The following MAD1L1 variants were observed in gnomAD, a reference collection of about 807,000 sequenced individuals.
MAD1L1 encodes mitotic spindle assembly checkpoint protein MAD1.
A neutral mutation model predicts 96.9 loss-of-function variants in MAD1L1; 95 were observed. That is an observed-to-expected ratio of 0.98 (90% confidence interval 0.83 to 1.16). The LOEUF (loss-of-function observed/expected upper bound fraction) is 1.16. MAD1L1 is among the 50% of genes most tolerant of loss of function. MAD1L1 has a pLI of 0.00. For missense variants in MAD1L1, 1,007 were observed against 954.4 expected (o/e 1.06, Z -0.73); for synonymous variants, 473 against 396.6 (o/e 1.19, Z -2.29).
chr7:1,951,358 C>T (rs1286590761), intron 16 of MAD1L1, among the ~76,000 whole-genome samples: 1 of 152,206 alleles, frequency 6.6e-6, no homozygotes, highest in Non-Finnish European at 1.5e-5. Context: ...GTAGTCACCT[C>T]AAGCGCCCTG....
intron 13 of MAD1L1, among the ~76,000 whole-genome samples, chr7:2,012,262 A>T (rs1782337785): frequency 6.6e-6 from 1 of 152,334 alleles, no homozygotes; most frequent in Non-Finnish European, 1.5e-5. Flanking sequence ...ACCAGAACCC[A>T]GGACTCTGGA....
intron 10 of MAD1L1, among the ~76,000 whole-genome samples, chr7:2,160,278 G>A (rs1002426651): frequency 1.3e-4 from 20 of 150,490 alleles, no homozygotes; most frequent in African/African-American, 4.6e-4. Context: ...AAATAACAAT[G>A]GCCTCCTGCT....
chr7:1,896,476 G>A (rs1191078118), intron 18 of MAD1L1, among the ~76,000 whole-genome samples: 1 of 152,222 alleles, frequency 6.6e-6, no homozygotes, highest in Non-Finnish European at 1.5e-5. Flanking sequence ...GGCTTACAGT[G>A]GTCAAGATGC....
intron 10 of MAD1L1, among the ~76,000 whole-genome samples, chr7:2,170,939 AAC>A (rs1305121495): frequency 6.6e-6 from 1 of 152,170 alleles, no homozygotes; most frequent in Non-Finnish European, 1.5e-5. Context: ...CACAGGCAGA[AAC>A]ACATGGGGGG....
intron 10 of MAD1L1, among the ~76,000 whole-genome samples, chr7:2,196,707 G>A (rs913446595): frequency 6.6e-6 from 1 of 152,350 alleles, no homozygotes; most frequent in East Asian, 1.9e-4. Flanking sequence ...ACCTGAAGAG[G>A]AAACAGAAAA....
intron 12 of MAD1L1, among the ~76,000 whole-genome samples, chr7:2,021,721 C>T (rs1782796463): frequency 6.6e-6 from 1 of 151,982 alleles, no homozygotes; most frequent in African/African-American, 2.4e-5. Flanking sequence ...GCCAAGATCG[C>T]ACCACTGCAC....
intron 10 of MAD1L1, among the ~76,000 whole-genome samples, chr7:2,179,227 T>A (rs1791077549): frequency 6.6e-6 from 1 of 152,124 alleles, no homozygotes; most frequent in African/African-American, 2.4e-5. Flanking sequence ...AACTCCATGG[T>A]GGCCTTGAAA....
At chr7:1,874,242 C>T (rs888904776) in intron 18 of MAD1L1, among the ~76,000 whole-genome samples, 4 of 152,162 alleles carry the variant, frequency 2.6e-5, no homozygotes, top group East Asian at 1.9e-4. Flanking sequence ...CTCCCACCAG[C>T]GCATCAGCTT....
chr7:1,853,425 A>C (rs1054645756), intron 18 of MAD1L1, among the ~76,000 whole-genome samples: 1 of 152,112 alleles, frequency 6.6e-6, no homozygotes, highest in Non-Finnish European at 1.5e-5. Flanking sequence ...GCCTTCATTC[A>C]ACAAACACAC....
At chr7:2,109,174 G>C (rs1275098570) in intron 11 of MAD1L1, among the ~76,000 whole-genome samples, 1 of 152,144 alleles carries the variant, frequency 6.6e-6, no homozygotes, top group Non-Finnish European at 1.5e-5. Context: ...CCACCTAGAC[G>C]GAAAACCCGA....
chr7:2,067,492 G>A (rs1234711593), intron 12 of MAD1L1, among the ~76,000 whole-genome samples: 6 of 152,108 alleles, frequency 3.9e-5, no homozygotes, highest in African/African-American at 1.2e-4. Context: ...CCGAGCTAAG[G>A]TGTCCCGCCA....
intron 10 of MAD1L1, among the ~76,000 whole-genome samples, chr7:2,199,737 A>G (rs550230223): frequency 6.6e-6 from 1 of 152,214 alleles, no homozygotes; most frequent in African/African-American, 2.4e-5. Flanking sequence ...CCAGCCTCCC[A>G]AACCCAGATT....
intron 18 of MAD1L1, among the ~76,000 whole-genome samples, chr7:1,828,756 A>C (rs1408147771): frequency 6.7e-6 from 1 of 149,610 alleles, no homozygotes; most frequent in East Asian, 2.0e-4. Context: ...GCCTCGCAGC[A>C]CTCAACAAAG....
chr7:2,155,850 C>T (rs1278631277), intron 10 of MAD1L1, among the ~76,000 whole-genome samples: 3 of 152,178 alleles, frequency 2.0e-5, no homozygotes, highest in East Asian at 1.9e-4. Context: ...ATCCCCTTTT[C>T]GGTTTTTCCG....
rs1338084359 is a variant in MAD1L1, at chr7:2,038,863, A to C, written c.1219-24221T>G. Among the ~76,000 whole-genome samples, 3 of 152,138 alleles carry C rather than the reference A, an allele frequency of 2.0e-5. No individual in the cohort carries two copies. In the East Asian group the frequency reaches 5.8e-4, roughly 29 times the overall value. On this transcript the variant is annotated intron_variant, in intron 12 of 18. Transcript: ENST00000265854. ...ATTACAGATTCACTTGGAGCTATAA[A>C]AAATAATACAGAGATCACAAGTAGC...
chr7:2,086,546 C>T (rs1255329593), intron 11 of MAD1L1, among the ~76,000 whole-genome samples: 4 of 152,196 alleles, frequency 2.6e-5, no homozygotes, highest in African/African-American at 9.6e-5. Flanking sequence ...GCCACAATTG[C>T]TCTTTTTCTT....
chr7:2,010,631 T>C (rs1051437230), intron 13 of MAD1L1, among the ~76,000 whole-genome samples: 3 of 151,698 alleles, frequency 2.0e-5, no homozygotes, highest in East Asian at 3.9e-4. Context: ...AACTCAACAC[T>C]GTTTTCCTGC....
chr7:2,047,809 TCA>T (rs1783992704), intron 12 of MAD1L1, among the ~76,000 whole-genome samples: 2 of 151,408 alleles, frequency 1.3e-5, no homozygotes, highest in African/African-American at 4.9e-5. Context: ...ACACGTGCAC[TCA>T]CATATGCAGA....
intron 18 of MAD1L1, among the ~76,000 whole-genome samples, chr7:1,896,635 C>CAGGA (rs1786889754): frequency 6.6e-6 from 1 of 152,194 alleles, no homozygotes; most frequent in African/African-American, 2.4e-5. Context: ...GGACAGCGGC[C>CAGGA]ACCTTTCGCG....
Sources: allele counts gnomAD v4.1 joint callset (sites outside exome capture counted in the v4.1 genomes callset), GRCh38; gene constraint gnomAD v4.1.1; transcripts MANE v1.5; gene names NCBI Gene and HGNC (gene_info 2026-07-23, HGNC 2026-07-21).